The following SGCG variants were observed in gnomAD, a reference collection of about 807,000 sequenced individuals.
SGCG encodes gamma-sarcoglycan.
A neutral mutation model predicts 29.3 loss-of-function variants in SGCG; 26 were observed. The observed-to-expected ratio is 0.89, with a 90% CI of 0.65 to 1.23. SGCG has a LOEUF of 1.23. Among genes scored for constraint, SGCG ranks in the 50% most tolerant of loss-of-function variants. The pLI, the probability that SGCG is intolerant of heterozygous loss-of-function variation, is 0.00. For missense variants in SGCG, 353 were observed against 356.0 expected, an observed-to-expected ratio of 0.99 and a Z score of 0.07; for synonymous variants, 145 against 129.7, an observed-to-expected ratio of 1.12 and a Z score of -0.80.
At chr13:23,198,221 C>T (rs1198833699) in intron 1 of SGCG, among the ~76,000 whole-genome samples, 1 of 149,780 alleles carries the variant, frequency 6.7e-6, no homozygotes, top group Non-Finnish European at 1.5e-5. Flanking sequence ...GGGCATTATC[C>T]TTGCATTTAT....
At chr13:23,319,051 G>A (rs770167531) in intron 6 of SGCG, among the ~76,000 whole-genome samples, 1 of 152,184 alleles carries the variant, frequency 6.6e-6, no homozygotes, top group Non-Finnish European at 1.5e-5. Flanking sequence ...TGTAATCCCA[G>A]CACTTTGGGA....
chr13:23,220,002 A>T (rs1218669577), intron 2 of SGCG, among the ~76,000 whole-genome samples: 1 of 148,958 alleles, frequency 6.7e-6, no homozygotes, highest in Admixed American at 6.7e-5. Flanking sequence ...CGCCCGGTCA[A>T]TTTTTTTTTT....
chr13:23,259,049 T>C (rs369043770), intron 4 of SGCG, among the ~76,000 whole-genome samples: 13 of 152,138 alleles, frequency 8.5e-5, no homozygotes, highest in Non-Finnish European at 1.9e-4. Context: ...CAGGATGATG[T>C]TGGCCTCATA....
chr13:23,271,360 A>G (rs1011545554), intron 4 of SGCG, among the ~76,000 whole-genome samples: 1 of 152,222 alleles, frequency 6.6e-6, no homozygotes, highest in African/African-American at 2.4e-5. Context: ...CACTGGAAGA[A>G]GAATAATTGT....
intron 2 of SGCG, among the ~76,000 whole-genome samples, chr13:23,214,620 A>G (rs1160216837): frequency 6.6e-6 from 1 of 152,016 alleles, no homozygotes; most frequent in Non-Finnish European, 1.5e-5. Context: ...GACCAACCCT[A>G]TCCCCTGCTG....
chr13:23,173,492 T>C, the SGCG span, among the ~76,000 whole-genome samples: 1 of 152,200 alleles, frequency 6.6e-6, no homozygotes, highest in Non-Finnish European at 1.5e-5. Flanking sequence ...CAACATACTT[T>C]CAAAGTTCCT....
chr13:23,259,860 G>A (rs948732937), intron 4 of SGCG, among the ~76,000 whole-genome samples: 1 of 152,190 alleles, frequency 6.6e-6, no homozygotes, highest in African/African-American at 2.4e-5. Context: ...AGTTTTGAGT[G>A]AGTTTCTTAG....
intron 6 of SGCG, 46 bp downstream of exon 6, chr13:23,295,533 A>G (rs569455546): frequency 1.0e-5 from 13 of 1,274,654 alleles, no homozygotes; most frequent in Non-Finnish European, 1.5e-5. Flanking sequence ...TGTAGAAGAC[A>G]AGAGGGTATG....
chr13:23,201,278 C>CA (rs904551538), intron 1 of SGCG, among the ~76,000 whole-genome samples: 21 of 152,066 alleles, frequency 1.4e-4, no homozygotes, highest in Non-Finnish European at 8.8e-5. Flanking sequence ...TAAGGGTGAA[C>CA]AAAAGCATTA....
chr13:23,270,424 G>T (rs1880827516), intron 4 of SGCG, among the ~76,000 whole-genome samples: 1 of 152,166 alleles, frequency 6.6e-6, no homozygotes, highest in East Asian at 1.9e-4. Context: ...TTTCTGTAAT[G>T]ATGAGTGTGT....
intron 6 of SGCG, among the ~76,000 whole-genome samples, chr13:23,318,088 G>C (rs991711156): frequency 3.9e-5 from 6 of 152,174 alleles, no homozygotes; most frequent in Non-Finnish European, 7.4e-5. Flanking sequence ...TCAGTTTTGA[G>C]ACTCGGACTG....
At chr13:23,232,119 G>GAA (rs11333704) in intron 2 of SGCG, among the ~76,000 whole-genome samples, 2 of 131,352 alleles carry the variant, frequency 1.5e-5, no homozygotes, top group Non-Finnish European at 1.6e-5. Context: ...ATTCCATAAA[G>GAA]AAAAAAAAAA....
chr13:23,305,409 G>T (rs1882324963), intron 6 of SGCG, among the ~76,000 whole-genome samples: 1 of 152,166 alleles, frequency 6.6e-6, no homozygotes, highest in South Asian at 2.1e-4. Context: ...TTTATGGTTT[G>T]GATCCATTTG....
chr13:23,171,576 G>T, the SGCG span, among the ~76,000 whole-genome samples: 1 of 152,198 alleles, frequency 6.6e-6, no homozygotes, highest in Non-Finnish European at 1.5e-5. Context: ...ATCTAAGGCA[G>T]CAGTCCCCAG....
At chr13:23,318,598 A>T (rs1321435396) in intron 6 of SGCG, among the ~76,000 whole-genome samples, 1 of 152,172 alleles carries the variant, frequency 6.6e-6, no homozygotes, top group South Asian at 2.1e-4. Context: ...GGTAAACTAA[A>T]ATATAACAAA....
At chr13:23,198,976 C>T (rs1268103062) in intron 1 of SGCG, among the ~76,000 whole-genome samples, 3 of 151,568 alleles carry the variant, frequency 2.0e-5, no homozygotes, top group Non-Finnish European at 2.9e-5. Flanking sequence ...GGCGTGGTGG[C>T]GGGTGCCTGT....
intron 6 of SGCG, among the ~76,000 whole-genome samples, chr13:23,299,448 A>T (rs868205731): frequency 0.44 from 5,145 of 11,600 alleles, 906 homozygotes; most frequent in East Asian, 0.63. Context: ...ATATATATAT[A>T]TATATATATT....
At chr13:23,296,195 C>G (rs1881902390) in intron 6 of SGCG, among the ~76,000 whole-genome samples, 1 of 152,250 alleles carries the variant, frequency 6.6e-6, no homozygotes, top group Admixed American at 6.5e-5. Flanking sequence ...TCTACACTAT[C>G]TGCAAACAAG....
chr13:23,189,703 T>G (rs926307495), intron 1 of SGCG, among the ~76,000 whole-genome samples: 3 of 152,290 alleles, frequency 2.0e-5, no homozygotes, highest in East Asian at 3.9e-4. Flanking sequence ...CTTGCTTTCA[T>G]GGAGGTGGGG....
Sources: allele counts gnomAD v4.1 joint callset (sites outside exome capture counted in the v4.1 genomes callset), GRCh38; gene constraint gnomAD v4.1.1; transcripts MANE v1.5; gene names NCBI Gene and HGNC (gene_info 2026-07-23, HGNC 2026-07-21).